Variants in MAGI2 observed in about 807,000 individuals in gnomAD.
The protein encoded by MAGI2 is membrane-associated guanylate kinase, WW and PDZ domain-containing protein 2.
A neutral mutation model predicts 133.3 loss-of-function variants in MAGI2; 35 were observed. The observed-to-expected ratio is 0.26, with a 90% CI of 0.20 to 0.35. The LOEUF is 0.35. Among genes scored for constraint, MAGI2 ranks in the 10% least tolerant of loss-of-function variants. MAGI2 has a pLI of 1.00. For missense variants in MAGI2, 1,636 were observed against 1,863.4 expected, an observed-to-expected ratio of 0.88 and a Z score of 2.25; for synonymous variants, 729 against 710.6, an observed-to-expected ratio of 1.03 and a Z score of -0.41.
chr7:78,980,261 T>C (rs1158692265), intron 2 of MAGI2, among the ~76,000 whole-genome samples: 1 of 151,898 alleles, frequency 6.6e-6, no homozygotes, highest in Non-Finnish European at 1.5e-5. Context: ...GTACATTATT[T>C]TGCACAGAAT....
chr7:79,439,990 G>T (rs989367819), intron 1 of MAGI2, among the ~76,000 whole-genome samples: 3 of 152,096 alleles, frequency 2.0e-5, no homozygotes, highest in South Asian at 2.1e-4. Flanking sequence ...CAATAAAGAT[G>T]ATCTTCATTT....
chr7:79,212,386 A>C (rs1829573573), intron 1 of MAGI2, among the ~76,000 whole-genome samples: 1 of 152,118 alleles, frequency 6.6e-6, no homozygotes, highest in African/African-American at 2.4e-5. Context: ...TGGGTCATGG[A>C]CTATGTACAT....
At chr7:78,799,235 A>G (rs1307346588) in intron 2 of MAGI2, among the ~76,000 whole-genome samples, 1 of 152,156 alleles carries the variant, frequency 6.6e-6, no homozygotes, top group East Asian at 1.9e-4. Flanking sequence ...TTGATAGCAT[A>G]CAAGGGGCTG....
chr7:79,317,001 GTTTTTTTTTTTCTTTTTC>G (rs1248276847), intron 1 of MAGI2, among the ~76,000 whole-genome samples: 2 of 134,238 alleles, frequency 1.5e-5, no homozygotes, highest in Non-Finnish European at 3.2e-5. Flanking sequence ...AAAATGTAGG[GTTTTTTTTTTTCTTTTTC>G]TTTTTTTTTT....
At chr7:78,718,088 G>A (rs1819893116) in intron 2 of MAGI2, among the ~76,000 whole-genome samples, 1 of 152,102 alleles carries the variant, frequency 6.6e-6, no homozygotes, top group South Asian at 2.1e-4. Flanking sequence ...ATTCTTATTA[G>A]AGCACCAGCT....
At chr7:78,947,113 A>G (rs1295004003) in intron 2 of MAGI2, among the ~76,000 whole-genome samples, 2 of 152,124 alleles carry the variant, frequency 1.3e-5, no homozygotes, top group Non-Finnish European at 2.9e-5. Flanking sequence ...CATTCAGACC[A>G]TGGACAGTAA....
chr7:79,000,330 C>G (rs755612740), intron 2 of MAGI2: 3 of 152,126 alleles, frequency 2.0e-5, no homozygotes, highest in African/African-American at 7.2e-5. Flanking sequence ...AATAAATGTA[C>G]CTTCATAAAT....
At chr7:79,403,456 T>C (rs1245382368) in intron 1 of MAGI2, among the ~76,000 whole-genome samples, 2 of 152,110 alleles carry the variant, frequency 1.3e-5, no homozygotes, top group African/African-American at 2.4e-5. Context: ...AAAAGAAAAC[T>C]TGATAGTAAT....
chr7:78,354,152 A>G (rs189030551), intron 7 of MAGI2, among the ~76,000 whole-genome samples: 2 of 152,242 alleles, frequency 1.3e-5, no homozygotes, highest in East Asian at 3.9e-4. Context: ...TGAATTAGAG[A>G]TGTTCCATGC....
intron 10 of MAGI2, among the ~76,000 whole-genome samples, chr7:78,243,774 C>T (rs927334923): frequency 9.9e-5 from 15 of 151,944 alleles, no homozygotes; most frequent in African/African-American, 2.7e-4. Context: ...AGGAAGCTCA[C>T]AAATTAAGCA....
intron 1 of MAGI2, among the ~76,000 whole-genome samples, chr7:79,242,467 A>G (rs1832491283): frequency 6.6e-6 from 1 of 152,196 alleles, no homozygotes; most frequent in South Asian, 2.1e-4. Flanking sequence ...CCTCATTCTC[A>G]ATGACTAGGT....
intron 6 of MAGI2, chr7:78,485,428 T>C (rs998784026): frequency 3.3e-5 from 5 of 152,048 alleles, no homozygotes; most frequent in African/African-American, 1.2e-4. Flanking sequence ...TTATGTTTAG[T>C]AGCAGTATTA....
chr7:78,160,850 T>G (rs138543166), intron 15 of MAGI2, among the ~76,000 whole-genome samples: 246 of 152,364 alleles, frequency 1.6e-3, no homozygotes, highest in African/African-American at 5.5e-3. Context: ...TTAACTATCA[T>G]GCATTTTTCT....
chr7:79,158,563 T>C (rs931176657), intron 1 of MAGI2, among the ~76,000 whole-genome samples: 1 of 152,092 alleles, frequency 6.6e-6, no homozygotes, highest in Admixed American at 6.6e-5. Flanking sequence ...GTTATAAAAC[T>C]AGAAAGCCCA....
intron 3 of MAGI2, among the ~76,000 whole-genome samples, chr7:78,624,686 A>G (rs1808138151): frequency 7.1e-6 from 1 of 140,588 alleles, no homozygotes; most frequent in Admixed American, 7.5e-5. Context: ...AAGAACAGCT[A>G]ATGGATGCTA....
intron 2 of MAGI2, among the ~76,000 whole-genome samples, chr7:79,004,145 A>G (rs932311160): frequency 6.6e-6 from 1 of 152,214 alleles, no homozygotes; most frequent in African/African-American, 2.4e-5. Flanking sequence ...TATCAAAGAG[A>G]TTCCTGTACT....
intron 9 of MAGI2, among the ~76,000 whole-genome samples, chr7:78,337,802 C>T (rs1392838068): frequency 2.0e-5 from 3 of 152,156 alleles, no homozygotes; most frequent in Non-Finnish European, 2.9e-5. Context: ...GCTACATTGT[C>T]CAATTAGCAT....
intron 2 of MAGI2, among the ~76,000 whole-genome samples, chr7:78,716,343 A>G (rs4370469): frequency 0.43 from 65,259 of 152,008 alleles, 14,392 homozygotes; most frequent in Middle Eastern, 0.48. Context: ...TTTTAAAGAG[A>G]AAATTGCCTA....
At chr7:78,413,610 T>G (rs1210899160) in intron 6 of MAGI2, among the ~76,000 whole-genome samples, 1 of 152,042 alleles carries the variant, frequency 6.6e-6, no homozygotes, top group Non-Finnish European at 1.5e-5. Context: ...AAGGGGTTAC[T>G]GAGGCAATGG....
Sources: gnomAD v4.1 joint callset for allele counts (sites outside exome capture counted in the v4.1 genomes callset) on GRCh38, gnomAD v4.1.1 for gene constraint, MANE v1.5 for transcripts, NCBI Gene and HGNC (gene_info 2026-07-23, HGNC 2026-07-21) for gene names.